PDGFD: variants seen among roughly 807,000 people sequenced by gnomAD.
The protein encoded by PDGFD is platelet derived growth factor D.
In PDGFD, 30 loss-of-function variants were observed where a neutral mutation model predicts 44.7. The ratio of observed to expected loss-of-function variants is 0.67; its 90% confidence interval spans 0.50 to 0.91. The LOEUF is 0.91. Among genes scored for constraint, PDGFD ranks in the 40% least tolerant of loss-of-function variants. The pLI, the probability that PDGFD is intolerant of heterozygous loss-of-function variation, is 0.00. For synonymous variants in PDGFD, 173 were observed against 168.4 expected, an observed-to-expected ratio of 1.03 and a Z score of -0.21; for missense variants, 445 against 457.8, an observed-to-expected ratio of 0.97 and a Z score of 0.25.
chr11:103,949,950 A>T (rs1306375845), intron 3 of PDGFD, among the ~76,000 whole-genome samples: 4 of 152,202 alleles, frequency 2.6e-5, no homozygotes, highest in Non-Finnish European at 5.9e-5. Context: ...GAAAGTATAC[A>T]GAAAAATAAA....
chr11:104,067,068 T>A (rs1351809882), intron 1 of PDGFD, among the ~76,000 whole-genome samples: 1 of 152,152 alleles, frequency 6.6e-6, no homozygotes, highest in Non-Finnish European at 1.5e-5. Context: ...ATTCTTTTAG[T>A]TTTCTCCCCA....
At chr11:104,044,041 A>C (rs562768951) in intron 1 of PDGFD, among the ~76,000 whole-genome samples, 109 of 152,376 alleles carry the variant, frequency 7.2e-4, no homozygotes, top group Non-Finnish European at 1.3e-3. Flanking sequence ...CGAAATAGTC[A>C]CAAGGAATTG....
At chr11:103,941,801 G>A (rs1481444497) in intron 5 of PDGFD, among the ~76,000 whole-genome samples, 1 of 152,094 alleles carries the variant, frequency 6.6e-6, no homozygotes, top group Non-Finnish European at 1.5e-5. Flanking sequence ...AATTGCTGAA[G>A]ACAGAGTCAG....
intron 1 of PDGFD, among the ~76,000 whole-genome samples, chr11:104,122,848 GTA>G (rs1219971121): frequency 4.6e-5 from 7 of 151,774 alleles, no homozygotes; most frequent in African/African-American, 1.7e-4. Context: ...GACTCTCTAT[GTA>G]TAAAGGGAAT....
intron 3 of PDGFD, among the ~76,000 whole-genome samples, chr11:103,990,936 G>A (rs944618143): frequency 4.5e-4 from 69 of 152,028 alleles, no homozygotes; most frequent in African/African-American, 1.5e-3. Flanking sequence ...TCAGGAGGTC[G>A]AGACCATCCT....
rs55943211 is a variant in PDGFD at position 103,917,739 on chromosome 11, G to C, written c.988-7920C>G. 6.7e-3 allele frequency among the ~76,000 whole-genome samples: 1,025 copies of C among 152,216 alleles called. 6 individuals carry two copies. The highest frequency in any genetic ancestry group is 0.023 in the African/African-American group (946 of 41,522). On this transcript the variant is annotated intron_variant, in intron 6 of 6. Coordinates refer to ENST00000393158, the MANE Select transcript of PDGFD (RefSeq NM_025208.5). The stretch of plus-strand genomic sequence containing the variant: ...GACTTGGACCTGGGACCAGGACCTG[G>C]GATCAGGACATTTAAGCTCCTAGCA...
chr11:104,048,537 C>A (rs116969884), intron 1 of PDGFD, among the ~76,000 whole-genome samples: 39 of 152,272 alleles, frequency 2.6e-4, no homozygotes, highest in East Asian at 2.3e-3. Flanking sequence ...TGAAAGATTA[C>A]CAAAACCCTA....
Position 103,943,704 on chromosome 11 carries a change from A to T in PDGFD, c.574-54T>A, listed in dbSNP as rs558897388. The T allele has an allele frequency of 1.5e-5, 22 of 1,446,234 alleles. No homozygotes were observed. The African/African-American group carries it at 1.5e-4, about 10-fold the overall frequency. The allele number at this position is 1,446,234 out of a possible 1,614,324, so 89.6% of individuals were successfully genotyped here. A position where few individuals can be genotyped will look rare whatever the true frequency, so the allele number is the denominator to read the frequency against. ...CAGAATAAGTCCATTGCTGTGAAAT[A>T]CAACAGTCATTCAACTATACGGAAG... On this transcript the variant is annotated intron_variant, in intron 4 of 6. Transcript: ENST00000393158.
chr11:103,914,907 C>T (rs1015488208), intron 6 of PDGFD, among the ~76,000 whole-genome samples: 1 of 152,148 alleles, frequency 6.6e-6, no homozygotes, highest in African/African-American at 2.4e-5. Flanking sequence ...GCCCTTCATG[C>T]TAAAAATTCT....
intron 1 of PDGFD, among the ~76,000 whole-genome samples, chr11:104,118,759 A>ATTATAAATATTAATATATAATATATTAT (rs1565340084): frequency 5.8e-4 from 67 of 115,184 alleles, no homozygotes; most frequent in African/African-American, 2.3e-3. Context: ...TATAGTATAT[A>ATTATAAATATTAATATATAATATATTAT]TTATAAATAT....
chr11:104,163,560 G>A (rs933430700), intron 1 of PDGFD, among the ~76,000 whole-genome samples: 2 of 151,916 alleles, frequency 1.3e-5, no homozygotes, highest in African/African-American at 4.8e-5. Flanking sequence ...TCTCTAGGGT[G>A]CAGCAAGGTG....
At chr11:104,154,105 G>T (rs907808905) in intron 1 of PDGFD, among the ~76,000 whole-genome samples, 2 of 151,876 alleles carry the variant, frequency 1.3e-5, no homozygotes, top group Admixed American at 1.3e-4. Context: ...CCTCAAAAAT[G>T]TTATGTTAAT....
intron 1 of PDGFD, among the ~76,000 whole-genome samples, chr11:104,063,938 G>A (rs1860749945): frequency 1.3e-5 from 2 of 152,116 alleles, no homozygotes; most frequent in East Asian, 1.9e-4. Context: ...GAAAGCCAAC[G>A]GAAGAAGGGA....
chr11:104,116,914 A>G (rs1301176871), intron 1 of PDGFD, among the ~76,000 whole-genome samples: 1 of 151,962 alleles, frequency 6.6e-6, no homozygotes, highest in African/African-American at 2.4e-5. Flanking sequence ...ACCACCCTCC[A>G]TGATTCTGAG....
chr11:104,058,676 T>G (rs529088648), intron 1 of PDGFD, among the ~76,000 whole-genome samples: 1 of 152,344 alleles, frequency 6.6e-6, no homozygotes, highest in South Asian at 2.1e-4. Context: ...TATACTCACA[T>G]GTTCATAGTT....
At chr11:104,140,757 A>G (rs1044878609) in intron 1 of PDGFD, among the ~76,000 whole-genome samples, 2 of 151,996 alleles carry the variant, frequency 1.3e-5, no homozygotes, top group African/African-American at 4.8e-5. Context: ...CTATTTTACT[A>G]TCTCCCTATT....
chr11:103,986,282 C>T (rs1859361603), intron 3 of PDGFD, among the ~76,000 whole-genome samples: 2 of 152,154 alleles, frequency 1.3e-5, no homozygotes, highest in Admixed American at 1.3e-4. Flanking sequence ...CTGAATCTTA[C>T]AGCAAATAGA....
intron 1 of PDGFD, among the ~76,000 whole-genome samples, chr11:104,067,121 A>G (rs899326770): frequency 6.6e-6 from 1 of 152,176 alleles, no homozygotes; most frequent in Non-Finnish European, 1.5e-5. Flanking sequence ...CTAAAATAAA[A>G]TGTGTATATT....
At chr11:103,917,256 A>G (rs949661929) in intron 6 of PDGFD, among the ~76,000 whole-genome samples, 1 of 152,194 alleles carries the variant, frequency 6.6e-6, no homozygotes, top group Non-Finnish European at 1.5e-5. Context: ...TCAATACAGC[A>G]TTTCTTAAAT....
Sources: allele counts gnomAD v4.1 joint callset (sites outside exome capture counted in the v4.1 genomes callset), GRCh38; gene constraint gnomAD v4.1.1; transcripts MANE v1.5; gene names NCBI Gene and HGNC (gene_info 2026-07-23, HGNC 2026-07-21).